Variants in ATAD2B observed in about 807,000 individuals in gnomAD.
ATAD2B encodes the protein ATPase family AAA domain containing 2B.
A neutral mutation model predicts 167.6 loss-of-function variants in ATAD2B; 40 were observed. The ratio of observed to expected loss-of-function variants is 0.24; its 90% CI spans 0.19 to 0.31. ATAD2B has a LOEUF of 0.31. Among genes scored for constraint, ATAD2B ranks in the 10% least tolerant of loss-of-function variants. ATAD2B has a pLI of 1.00. For missense variants in ATAD2B, 1,242 were observed against 1,757.2 expected, an observed-to-expected ratio of 0.71 and a Z score of 5.24; for synonymous variants, 579 against 596.5, an observed-to-expected ratio of 0.97 and a Z score of 0.43.
At chr2:23,819,191 C>G (rs1238118051) in intron 17 of ATAD2B, among the ~76,000 whole-genome samples, 1 of 152,048 alleles carries the variant, frequency 6.6e-6, no homozygotes, top group Non-Finnish European at 1.5e-5. Context: ...AAATTTACAC[C>G]ATTACTTTAA....
intron 23 of ATAD2B, among the ~76,000 whole-genome samples, chr2:23,763,998 A>G (rs1677086282): frequency 6.6e-6 from 1 of 152,154 alleles, no homozygotes; most frequent in Admixed American, 6.5e-5. Flanking sequence ...TTCTTTACCA[A>G]TTCACCAGCT....
At chr2:23,918,274 G>A (rs1703366133) in intron 1 of ATAD2B, among the ~76,000 whole-genome samples, 2 of 151,280 alleles carry the variant, frequency 1.3e-5, no homozygotes, top group Non-Finnish European at 1.5e-5. Context: ...CAGAGGCTGT[G>A]ATGGGAGAAT....
chr2:23,786,340 T>A, intron 20 of ATAD2B, 117 bp from the exon 21 acceptor site: 2 of 851,134 alleles, frequency 2.3e-6, no homozygotes, highest in Non-Finnish European at 3.6e-6. Flanking sequence ...ATGTGTTGCT[T>A]AACAACAGGG....
At chr2:23,819,267 G>A (rs1687071391) in intron 17 of ATAD2B, among the ~76,000 whole-genome samples, 1 of 152,122 alleles carries the variant, frequency 6.6e-6, no homozygotes, top group African/African-American at 2.4e-5. Context: ...GGAGTCCAAA[G>A]CGGGAAGAGC....
intron 25 of ATAD2B, among the ~76,000 whole-genome samples, chr2:23,755,271 T>C (rs913486546): frequency 6.6e-6 from 1 of 152,166 alleles, no homozygotes; most frequent in African/African-American, 2.4e-5. Flanking sequence ...AAAATTCTAT[T>C]AGAAATTGAT....
chr2:23,872,496 T>A, intron 8 of ATAD2B: 1 of 772,454 alleles, frequency 1.3e-6, no homozygotes, highest in Non-Finnish European at 2.3e-6. Flanking sequence ...CCAGGTGAGC[T>A]ATTTCTTCAT....
At chr2:23,858,489 C>CTTTTTTTTT (rs34177847) in intron 12 of ATAD2B, among the ~76,000 whole-genome samples, 5 of 134,412 alleles carry the variant, frequency 3.7e-5, no homozygotes, top group Non-Finnish European at 7.8e-5. Flanking sequence ...CTGTCTCATT[C>CTTTTTTTTT]TTTTTTTTTT....
the ATAD2B span, chr2:23,704,000 AG>A: frequency 3.9e-6 from 4 of 1,033,796 alleles, no homozygotes; most frequent in Non-Finnish European, 5.5e-6. Context: ...CTCCAACCAC[AG>A]GAGTGGGCAT....
downstream of ATAD2B, among the ~76,000 whole-genome samples, chr2:23,743,702 C>T (rs1462413818): frequency 6.6e-6 from 1 of 152,074 alleles, no homozygotes; most frequent in Admixed American, 6.5e-5. Flanking sequence ...TCTTGGGTCA[C>T]TGAAGCCTCA....
At chr2:23,925,668 A>C (rs963726) in intron 1 of ATAD2B, among the ~76,000 whole-genome samples, 111,407 of 152,206 alleles carry the variant, frequency 0.73, 41,222 homozygotes, top group East Asian at 0.85. Context: ...TAGCTTTATA[A>C]TGTAGGTAAT....
chr2:23,874,572 G>A (rs1360968564), intron 8 of ATAD2B, among the ~76,000 whole-genome samples: 3 of 151,772 alleles, frequency 2.0e-5, no homozygotes, highest in Non-Finnish European at 2.9e-5. Flanking sequence ...AAATAGTGCC[G>A]TGTGCCTGTA....
chr2:23,824,339 TC>T (rs2149670803), intron 15 of ATAD2B, among the ~76,000 whole-genome samples: 2 of 152,318 alleles, frequency 1.3e-5, no homozygotes, highest in South Asian at 4.1e-4. Context: ...ATATTCCTAA[TC>T]ATTAGGTTAG....
chr2:23,847,504 CA>C (rs796940786), intron 13 of ATAD2B, among the ~76,000 whole-genome samples: 3 of 145,770 alleles, frequency 2.1e-5, no homozygotes, highest in Non-Finnish European at 4.5e-5. Flanking sequence ...GACTCCATCT[CA>C]AAAAAAAAAG....
intron 1 of ATAD2B, among the ~76,000 whole-genome samples, chr2:23,923,551 G>A (rs767545602): frequency 1.2e-4 from 19 of 152,012 alleles, no homozygotes; most frequent in Non-Finnish European, 2.5e-4. Context: ...TAGGAATGAC[G>A]GACATGTCTA....
chr2:23,818,093 C>CACACACACACACACACACACACACA (rs1686743733), intron 17 of ATAD2B, among the ~76,000 whole-genome samples: 2 of 30,478 alleles, frequency 6.6e-5, no homozygotes, highest in African/African-American at 1.4e-4. Context: ...CACACACACA[C>CACACACACACACACACACACACACA]ATTACACACA....
chr2:23,680,942 C>T, the ATAD2B span, among the ~76,000 whole-genome samples: 4,970 of 152,272 alleles, frequency 0.033, 101 homozygotes, highest in South Asian at 0.086. The surrounding 1 kb of genome is among the most constrained non-coding windows in gnomAD (Gnocchi z 4.1). Context: ...TGAGAATAGG[C>T]CATGTTGTTG....
At chr2:23,678,615 G>A in the ATAD2B span, among the ~76,000 whole-genome samples, 123 of 152,256 alleles carry the variant, frequency 8.1e-4, no homozygotes, top group Non-Finnish European at 1.7e-3. Flanking sequence ...CTAAATAAGT[G>A]CTCATAGCAG....
At chr2:23,695,857 A>C in the ATAD2B span, 1 of 1,538,292 alleles carries the variant, frequency 6.5e-7, no homozygotes, top group East Asian at 2.4e-5. This position sits in a 1 kb window ranked among gnomAD's most constrained non-coding sequence, Gnocchi z 7.6. Context: ...CCCAAGAAGC[A>C]GTGTCTTGGG....
At chr2:23,869,568 T>A in intron 9 of ATAD2B, 95 bp downstream of exon 9, 1 of 817,354 alleles carries the variant, frequency 1.2e-6, no homozygotes, top group South Asian at 1.5e-5. Context: ...GTCTAAAATA[T>A]GTGTTGAATA....
Sources: allele counts gnomAD v4.1 joint callset (sites outside exome capture counted in the v4.1 genomes callset), GRCh38; gene constraint gnomAD v4.1.1; non-coding constraint Gnocchi (gnomAD v3.1); transcripts MANE v1.5; gene names NCBI Gene and HGNC (gene_info 2026-07-23, HGNC 2026-07-21).